VPS13B: variants seen among roughly 807,000 people sequenced by gnomAD.
The protein encoded by VPS13B is intermembrane lipid transfer protein VPS13B.
Under a neutral mutation model 426.4 loss-of-function variants are expected in VPS13B, and 285 were observed. That is an observed-to-expected ratio of 0.67 (90% CI 0.61 to 0.74). The LOEUF is 0.74. Ranked by LOEUF, VPS13B falls within the 30% of genes least tolerant of loss-of-function variation. The pLI is 0.00. For synonymous variants in VPS13B, 1,676 were observed against 1,676.4 expected, an observed-to-expected ratio of 1.00 and a Z score of 0.01; for missense variants, 4,537 against 4,782.6, an observed-to-expected ratio of 0.95 and a Z score of 1.51.
intron 17 of VPS13B, among the ~76,000 whole-genome samples, chr8:99,235,151 T>G (rs1311952916): frequency 6.6e-6 from 1 of 152,192 alleles, no homozygotes; most frequent in Non-Finnish European, 1.5e-5. Context: ...GCATCTTCAG[T>G]GCTTCCAAAA....
At chr8:99,219,654 G>A (rs372175670) in intron 17 of VPS13B, among the ~76,000 whole-genome samples, 10 of 152,198 alleles carry the variant, frequency 6.6e-5, no homozygotes, top group East Asian at 5.8e-4. Flanking sequence ...ACGCACACTG[G>A]TGAGGGGGGC....
chr8:99,801,464 T>G (rs1813118211), intron 43 of VPS13B, among the ~76,000 whole-genome samples: 2 of 152,200 alleles, frequency 1.3e-5, no homozygotes, highest in Non-Finnish European at 2.9e-5. Flanking sequence ...TCGGTATGCT[T>G]TGTAGACACA....
intron 16 of VPS13B, among the ~76,000 whole-genome samples, chr8:99,191,084 T>G (rs1050146169): frequency 2.0e-5 from 3 of 152,094 alleles, no homozygotes; most frequent in African/African-American, 7.2e-5. Context: ...ACAGTTTTCC[T>G]TTTTCTTTCA....
intron 33 of VPS13B, among the ~76,000 whole-genome samples, chr8:99,582,296 T>A (rs1433324910): frequency 2.0e-5 from 3 of 152,210 alleles, no homozygotes; most frequent in African/African-American, 7.2e-5. Flanking sequence ...TACATCAAAG[T>A]AGCATCAATC....
In VPS13B at chr8:99,135,581, T is replaced by C; in HGVS notation, c.1426-15T>C. 6.2e-7 allele frequency: 1 copy of C among 1,612,030 alleles called. No individual in the cohort carries two copies. The highest frequency in any genetic ancestry group is 1.1e-5 in the South Asian group (1 of 90,912). On this transcript the variant is annotated splice_polypyrimidine_tract_variant and intron_variant, in intron 10 of 61. Coordinates refer to ENST00000357162, the MANE Select transcript of VPS13B (RefSeq NM_152564.5). The stretch of plus-strand genomic sequence containing the variant: ...GGTTTTTCTTCCCATTTATAAATTT[T>C]GCATTTGTTTTCAGGAAGCCTGTTT...
intron 36 of VPS13B, among the ~76,000 whole-genome samples, chr8:99,701,138 C>T (rs1258504200): frequency 2.6e-5 from 4 of 152,082 alleles, no homozygotes; most frequent in Non-Finnish European, 4.4e-5. Context: ...TAGAAATATT[C>T]GTGACCAAGC....
chr8:99,042,554 A>T (rs943332361), intron 3 of VPS13B, among the ~76,000 whole-genome samples: 13 of 152,206 alleles, frequency 8.5e-5, no homozygotes, highest in Admixed American at 3.3e-4. Context: ...ATATTTGTAT[A>T]TGTAGTATTT....
At chr8:99,763,537 A>T (rs574590740) in intron 39 of VPS13B, among the ~76,000 whole-genome samples, 14 of 152,258 alleles carry the variant, frequency 9.2e-5, no homozygotes, top group African/African-American at 3.1e-4. Flanking sequence ...TTCCCATTTT[A>T]AAAAAATTAT....
chr8:99,612,932 C>T (rs1204313261), intron 33 of VPS13B, among the ~76,000 whole-genome samples: 1 of 152,160 alleles, frequency 6.6e-6, no homozygotes, highest in Non-Finnish European at 1.5e-5. Flanking sequence ...ATCTCTCTTT[C>T]TAATTCTGTG....
intron 3 of VPS13B, among the ~76,000 whole-genome samples, chr8:99,087,894 A>G (rs1845922235): frequency 6.6e-6 from 1 of 152,016 alleles, no homozygotes; most frequent in South Asian, 2.1e-4. Context: ...CAAAAATTGA[A>G]TTTATTAGGC....
chr8:99,046,690 G>A (rs1843257174), intron 3 of VPS13B, among the ~76,000 whole-genome samples: 1 of 152,010 alleles, frequency 6.6e-6, no homozygotes, highest in Non-Finnish European at 1.5e-5. Context: ...TGTCATAGAT[G>A]GCATTTATTA....
chr8:99,861,006 T>A lies in VPS13B; in HGVS notation c.11045-770T>A, dbSNP rs577999551. ...CCCCTTTGTTATGACTGAAGTTATA[T>A]GGAGGGAATAAAATTTATTCCTAAA... On this transcript the variant is annotated intron_variant, in intron 57 of 61. Transcript: ENST00000357162. Among the ~76,000 whole-genome samples the A allele has an allele frequency of 2.6e-5, 4 of 152,374 alleles. No homozygotes were observed. The East Asian group carries it at 7.7e-4, about 29-fold the overall frequency.
intron 33 of VPS13B, among the ~76,000 whole-genome samples, chr8:99,594,290 G>T (rs1826876449): frequency 2.0e-5 from 3 of 151,716 alleles, no homozygotes. Context: ...GTGTGGCCTT[G>T]GACATGTTAC....
chr8:99,517,439 A>C (rs748962606), intron 29 of VPS13B, among the ~76,000 whole-genome samples: 1 of 152,152 alleles, frequency 6.6e-6, no homozygotes, highest in Non-Finnish European at 1.5e-5. Flanking sequence ...AAAAGATGAA[A>C]TCTTTCAGGC....
At chr8:99,331,487 G>A (rs1189577845) in intron 19 of VPS13B, among the ~76,000 whole-genome samples, 2 of 151,678 alleles carry the variant, frequency 1.3e-5, no homozygotes, top group Non-Finnish European at 3.0e-5. Context: ...GTTCTCATTA[G>A]CATAAACACC....
chr8:99,643,845 A>G (rs1349456812), intron 34 of VPS13B, among the ~76,000 whole-genome samples: 1 of 152,230 alleles, frequency 6.6e-6, no homozygotes, highest in Non-Finnish European at 1.5e-5. Context: ...TGCCTGTGAT[A>G]TAACAGGTAC....
At chr8:99,595,423 C>T (rs1826959671) in intron 33 of VPS13B, among the ~76,000 whole-genome samples, 1 of 151,732 alleles carries the variant, frequency 6.6e-6, no homozygotes. Flanking sequence ...TGGATATTCC[C>T]ATGCAAAAGA....
chr8:99,469,077 A>T (rs943387653), intron 24 of VPS13B, among the ~76,000 whole-genome samples: 7 of 152,146 alleles, frequency 4.6e-5, no homozygotes, highest in South Asian at 2.1e-4. Flanking sequence ...TGGAATTATG[A>T]CAAGGCAGCT....
At chr8:99,540,034 TATATATATATATATA>T in intron 30 of VPS13B, among the ~76,000 whole-genome samples, 1 of 3,672 alleles carries the variant, frequency 2.7e-4, no homozygotes, top group Non-Finnish European at 5.4e-4. Context: ...TATATATATA[TATATATATATATATA>T]TATATATATA....
Sources: allele counts gnomAD v4.1 joint callset (sites outside exome capture counted in the v4.1 genomes callset), GRCh38; gene constraint gnomAD v4.1.1; transcripts MANE v1.5; gene names NCBI Gene and HGNC (gene_info 2026-07-23, HGNC 2026-07-21).